Variants in NAV2 observed in about 807,000 individuals in gnomAD.
The protein encoded by NAV2 is neuron navigator 2, also known as helicase, APC down-regulated 1.
In NAV2, 54 loss-of-function variants were observed where a neutral mutation model predicts 223.2. The observed-to-expected ratio is 0.24, with a 90% CI of 0.19 to 0.30. The LOEUF (loss-of-function observed/expected upper bound fraction) is 0.30, where lower values mean the gene tolerates loss of function less well. Among genes scored for constraint, NAV2 ranks in the 10% least tolerant of loss-of-function variants. NAV2 has a pLI of 1.00. For synonymous variants in NAV2, 1,279 were observed against 1,239.3 expected (o/e 1.03, Z -0.67); for missense variants, 2,806 against 3,147.5 (o/e 0.89, Z 2.60).
At chr11:19,716,295 G>A (rs1370656487) in intron 1 of NAV2, among the ~76,000 whole-genome samples, 2 of 152,152 alleles carry the variant, frequency 1.3e-5, no homozygotes, top group Non-Finnish European at 2.9e-5. Context: ...TATCGCTGGT[G>A]TCTTGCGTCT....
intron 1 of NAV2, among the ~76,000 whole-genome samples, chr11:19,571,609 G>A (rs1300946196): frequency 6.6e-6 from 1 of 152,090 alleles, no homozygotes; most frequent in Non-Finnish European, 1.5e-5. Context: ...GGGAGGCTGA[G>A]GCAGGAGAAC....
chr11:20,090,773 AC>A (rs2060787830), intron 26 of NAV2, 91 bp from the exon 27 acceptor site: 1 of 1,355,722 alleles, frequency 7.4e-7, no homozygotes, highest in Non-Finnish European at 1.0e-6. Context: ...ATTCACAGTT[AC>A]TGCTAAACAA....
intron 3 of NAV2, among the ~76,000 whole-genome samples, chr11:19,849,709 C>T (rs2061010354): frequency 6.6e-6 from 1 of 152,184 alleles, no homozygotes; most frequent in African/African-American, 2.4e-5. Context: ...GCTCTAAGGG[C>T]ACACACATGT....
chr11:19,393,906 C>T lies in NAV2; in HGVS notation c.75+42879C>T, dbSNP rs79441584. Reference sequence around the variant, plus strand: ...TTTATAACTTAAGGGTTTTTTTTTTCTTTTTTTTTTTTTAGGTCAAATCTC... The same window carrying T: ...TTTATAACTTAAGGGTTTTTTTTTTTTTTTTTTTTTTTTAGGTCAAATCTC... On this transcript the variant is annotated intron_variant, in intron 1 of 37. Transcript: ENST00000360655. Among the ~76,000 whole-genome samples, 735 of 134,880 alleles carry T rather than the reference C, an allele frequency of 5.4e-3. 5 individuals carry two copies. Among genetic ancestry groups the T allele is most frequent in the Middle Eastern group, 0.023 (6 of 260 alleles). The allele number at this position is 134,880 out of a possible 152,430, so 88.5% of individuals were successfully genotyped here.
At chr11:20,045,709 T>C in intron 14 of NAV2, 39 bp downstream of exon 14, 1 of 1,493,332 alleles carries the variant, frequency 6.7e-7, no homozygotes. Context: ...AGAACCAGAA[T>C]ACAGGGAATG....
At chr11:19,970,872 TC>T (rs561895571) in intron 10 of NAV2, among the ~76,000 whole-genome samples, 1 of 152,262 alleles carries the variant, frequency 6.6e-6, no homozygotes, top group South Asian at 2.1e-4. Flanking sequence ...ATCTTTGAAA[TC>T]CCCCCAGATC....
intron 10 of NAV2, among the ~76,000 whole-genome samples, chr11:19,968,365 T>A (rs2048948913): frequency 6.6e-6 from 1 of 152,072 alleles, no homozygotes; most frequent in Non-Finnish European, 1.5e-5. Flanking sequence ...TACAGGCACA[T>A]ACCACCACAC....
At chr11:19,805,395 T>C (rs2058500986) in intron 1 of NAV2, among the ~76,000 whole-genome samples, 2 of 151,522 alleles carry the variant, frequency 1.3e-5, no homozygotes, top group Admixed American at 1.3e-4. Flanking sequence ...CTCAGTCCTC[T>C]AGGAATGAGA....
rs1472180421 is a variant in NAV2 at position 19,713,513 on chromosome 11, C to A, written c.-183C>A. ...AGTCCCCCATTCCCATCCCGGCACC[C>A]CAAAGGCGCGCTCGCCCGATTGCTT... On this transcript the variant is annotated 5_prime_UTR_variant, in exon 1 of 38. Transcript: ENST00000349880. The surrounding 1 kb of genome is among the most constrained non-coding windows in gnomAD (Gnocchi z 7.2). 7.2e-7 allele frequency: 1 copy of A among 1,393,496 alleles called. No homozygotes were observed. The highest frequency in any genetic ancestry group is 9.3e-7 in the Non-Finnish European group (1 of 1,079,390). The allele number at this position is 1,393,496 out of a possible 1,614,324, so 86.3% of individuals were successfully genotyped here.
Position 19,933,247 on chromosome 11 carries a change from A to G in NAV2, c.1003A>G (p.Ser335Gly), listed in dbSNP as rs377733342. ...TGCACCTGCTTCCTTGGAGAGCGGC[A>G]GCAGCTCCACCCCTACTAATTGCAG... ...DNAPASLESG[S>G]SSTPTNCSTS... Residue 335 changes from serine to glycine, a missense_variant, in exon 7 of 38, where the codon AGC becomes GGC. This residue lies in a region of NAV2 where 1,167 missense variants were observed against 1,180.5 expected (regional missense o/e 0.99). Transcript: ENST00000349880. This position sits in a 1 kb window ranked among gnomAD's most constrained non-coding sequence, Gnocchi z 4.3. 3.7e-6 allele frequency: 6 copies of G among 1,602,266 alleles called. No individual in the cohort carries two copies. In the African/African-American group the frequency reaches 6.7e-5, roughly 18 times the overall value.
In NAV2 at chr11:19,501,188, T is replaced by A. The variant is rs550215662; in HGVS notation, c.75+150161T>A. Among the ~76,000 whole-genome samples, 8 of 152,320 alleles carry A rather than the reference T, an allele frequency of 5.3e-5. No individual in the cohort carries two copies. In the East Asian group the frequency reaches 1.5e-3, roughly 29 times the overall value. Reference sequence around the variant, plus strand: ...GGAAAGTTTCTCCACTTTTATGGATTCGCATGAATAGATTATGCTCACCTG... The same window carrying A: ...GGAAAGTTTCTCCACTTTTATGGATACGCATGAATAGATTATGCTCACCTG... On this transcript the variant is annotated intron_variant, in intron 1 of 37. Coordinates refer to the NAV2 transcript ENST00000360655.
chr11:20,044,878 A>T, intron 13 of NAV2, 90 bp from the exon 14 acceptor site: 1 of 1,063,388 alleles, frequency 9.4e-7, no homozygotes, highest in Non-Finnish European at 1.4e-6. Context: ...AAAGTGAACC[A>T]GCTCTTCAGA....
In NAV2 at chr11:20,120,787, T is replaced by A. The variant is rs1398286688; in HGVS notation, c.*2529T>A. ...CCTAAAGTTTCGGGAAGCAGGGTTGTCTAATATGCACATTTCTTATTTTGG... is the reference window on the plus strand; with the variant it reads ...CCTAAAGTTTCGGGAAGCAGGGTTGACTAATATGCACATTTCTTATTTTGG... On this transcript the variant is annotated 3_prime_UTR_variant, in exon 38 of 38. Transcript: ENST00000349880. 6.6e-6 allele frequency: 1 copy of A among 152,376 alleles called. No individual in the cohort carries two copies. Among genetic ancestry groups the A allele is most frequent in the African/African-American group, 2.4e-5 (1 of 41,322 alleles). The allele number at this position is 152,376 out of a possible 1,614,324, so 9.4% of individuals were successfully genotyped here. A position where few individuals can be genotyped will look rare whatever the true frequency, so the allele number is the denominator to read the frequency against.
chr11:19,656,247 G>T (rs543417469), intron 1 of NAV2, among the ~76,000 whole-genome samples: 1 of 152,280 alleles, frequency 6.6e-6, no homozygotes, highest in Admixed American at 6.5e-5. Context: ...TGCAGGAGGC[G>T]CTCTGGGGCC....
intron 1 of NAV2, among the ~76,000 whole-genome samples, chr11:19,472,860 A>C (rs2729881): frequency 0.32 from 48,099 of 152,114 alleles, 7,726 homozygotes; most frequent in Admixed American, 0.4. Context: ...GTCTACTCAC[A>C]AATAGGATTC....
chr11:20,098,483 C>A (rs79250631), intron 31 of NAV2, among the ~76,000 whole-genome samples: 1 of 152,196 alleles, frequency 6.6e-6, no homozygotes, highest in Admixed American at 6.5e-5. Flanking sequence ...TGAATATAGA[C>A]TTTCATAAAT....
intron 10 of NAV2, among the ~76,000 whole-genome samples, chr11:19,950,155 C>T (rs970770603): frequency 5.3e-5 from 8 of 152,194 alleles, no homozygotes; most frequent in African/African-American, 1.4e-4. Flanking sequence ...AATGTTCTAG[C>T]TGTTAAAGTT....
rs540173172 is a variant in NAV2 at position 19,913,913 on chromosome 11, T to G, written c.932-19263T>G. 8.1e-4 allele frequency among the ~76,000 whole-genome samples: 123 copies of G among 152,354 alleles called. 2 individuals carry two copies. The South Asian group carries it at 0.022, about 28-fold the overall frequency. ...TACAACTCTGGATAAAACCTTGTCT[T>G]GGCAAAACCTAAGCAAAGGCTTGAT... On this transcript the variant is annotated intron_variant, in intron 6 of 37. Coordinates refer to ENST00000349880, the MANE Select transcript of NAV2 (RefSeq NM_145117.5).
At chr11:19,428,252 C>T (rs75832618) in intron 1 of NAV2, among the ~76,000 whole-genome samples, 5,197 of 152,208 alleles carry the variant, frequency 0.034, 321 homozygotes, top group African/African-American at 0.12. Flanking sequence ...TACACGCATA[C>T]CATTTCCCAA....
Sources: allele counts gnomAD v4.1 joint callset (sites outside exome capture counted in the v4.1 genomes callset), GRCh38; gene constraint gnomAD v4.1.1; regional missense constraint gnomAD v4.1.1; non-coding constraint Gnocchi (gnomAD v3.1); transcripts MANE v1.5; gene names NCBI Gene and HGNC (gene_info 2026-07-23, HGNC 2026-07-21).